Variants in NUCB2 observed in about 807,000 individuals in gnomAD.
NUCB2 encodes nucleobindin 2.
NUCB2 carries 48 observed loss-of-function variants against 57.9 expected under a neutral mutation model. The ratio of observed to expected loss-of-function variants is 0.83; its 90% CI spans 0.66 to 1.05. NUCB2 has a LOEUF of 1.05. NUCB2 is among the 50% of genes least tolerant of loss of function. The pLI is 0.00. For missense variants in NUCB2, 442 were observed against 476.2 expected (o/e 0.93, Z 0.67); for synonymous variants, 139 against 152.1 (o/e 0.91, Z 0.64).
At chr11:17,277,604 C>A (rs1941604945) in intron 1 of NUCB2, among the ~76,000 whole-genome samples, 1 of 152,136 alleles carries the variant, frequency 6.6e-6, no homozygotes. Context: ...TGCTAAACTT[C>A]TAAATTGAAT....
chr11:17,289,645 A>G lies in NUCB2; in HGVS notation c.1-5679A>G, dbSNP rs190802150. Among the ~76,000 whole-genome samples the G allele has an allele frequency of 7.8e-4, 119 of 152,336 alleles. 1 individual carries two copies. In the South Asian group the frequency reaches 0.014, roughly 19 times the overall value. On this transcript the variant is annotated intron_variant, in intron 2 of 13. Transcript: ENST00000529010. Reference sequence around the variant, plus strand: ...CCCATACTTCTTAAAAATGCTTAATATAACATCTTGGGGGAAATCATTTTA... The same window carrying G: ...CCCATACTTCTTAAAAATGCTTAATGTAACATCTTGGGGGAAATCATTTTA...
chr11:17,331,486 C>A lies in NUCB2; in HGVS notation c.*67C>A. On this transcript the variant is annotated 3_prime_UTR_variant, in exon 14 of 14. Coordinates refer to ENST00000529010, the MANE Select transcript of NUCB2 (RefSeq NM_005013.4). The stretch of plus-strand genomic sequence containing the variant: ...AACATCTATTTCATCTTTTTAGCTC[C>A]CTTCCTTTTTCTCTGCTCAATAAAT... 1 of 1,019,248 alleles carries A rather than the reference C, an allele frequency of 9.8e-7. No individual in the cohort carries two copies. The highest frequency in any genetic ancestry group is 2.5e-5 in the South Asian group (1 of 39,430). 63.1% of individuals were successfully genotyped at this position (1,019,248 alleles called of 1,614,324 possible). A position where few individuals can be genotyped will look rare whatever the true frequency, so the allele number is the denominator to read the frequency against.
intron 1 of NUCB2, among the ~76,000 whole-genome samples, chr11:17,282,475 G>C (rs1466784278): frequency 6.6e-6 from 1 of 151,924 alleles, no homozygotes; most frequent in Non-Finnish European, 1.5e-5. Flanking sequence ...TGGGCAGGCT[G>C]ATCTTGAACT....
intron 11 of NUCB2, among the ~76,000 whole-genome samples, chr11:17,317,109 T>C (rs989837125): frequency 2.6e-5 from 4 of 152,186 alleles, no homozygotes; most frequent in Non-Finnish European, 5.9e-5. Context: ...TTATATACTT[T>C]TAAAATTTTG....
chr11:17,326,655 A>T (rs1307039364), intron 11 of NUCB2, among the ~76,000 whole-genome samples: 1 of 152,096 alleles, frequency 6.6e-6, no homozygotes, highest in Non-Finnish European at 1.5e-5. Context: ...CTGCCTTGAA[A>T]AGTTGTAGTT....
intron 11 of NUCB2, among the ~76,000 whole-genome samples, chr11:17,322,626 A>G (rs1249847785): frequency 6.6e-6 from 1 of 152,100 alleles, no homozygotes; most frequent in Non-Finnish European, 1.5e-5. Flanking sequence ...GAAAAATGTC[A>G]TTGGGTATTT....
Position 17,311,911 on chromosome 11 carries a change from A to G in NUCB2, c.800A>G (p.Glu267Gly), listed in dbSNP as rs771430350. 4 of 1,599,074 alleles carry G rather than the reference A, an allele frequency of 2.5e-6. No individual in the cohort carries two copies. The highest frequency in any genetic ancestry group is 3.4e-6 in the Non-Finnish European group (4 of 1,170,594). ...SDGFLDEQEL[E>G]ALFTKELEKV... The stretch of plus-strand genomic sequence containing the variant: ...GGATTCCTGGATGAACAAGAATTAG[A>G]AGCCCTATTTACTAAAGAGGTAAAG... The change falls in exon 9 of 14, where the codon GAA becomes GGA. Residue 267 changes from glutamate to glycine, a missense_variant. By Grantham distance (98) the Glu-to-Gly change is moderately conservative (BLOSUM62 -2). Transcript: ENST00000529010.
intron 2 of NUCB2, among the ~76,000 whole-genome samples, chr11:17,339,508 C>G (rs1385385467): frequency 7.5e-6 from 1 of 132,746 alleles, no homozygotes; most frequent in East Asian, 2.5e-4. Flanking sequence ...CCCCTCCCCC[C>G]ACCCCCACAA....
intron 4 of NUCB2, among the ~76,000 whole-genome samples, chr11:17,296,556 C>T (rs1259311210): frequency 6.6e-6 from 1 of 152,074 alleles, no homozygotes; most frequent in Admixed American, 6.6e-5. Context: ...AAGGCAGACA[C>T]ATAATCTAAT....
chr11:17,302,675 A>C (rs2138651580), intron 5 of NUCB2, among the ~76,000 whole-genome samples: 1 of 151,904 alleles, frequency 6.6e-6, no homozygotes, highest in South Asian at 2.1e-4. Flanking sequence ...GGGCTCAGGT[A>C]GTCCTCCCAC....
chr11:17,287,180 T>C (rs1943893552), intron 2 of NUCB2, among the ~76,000 whole-genome samples: 1 of 151,750 alleles, frequency 6.6e-6, no homozygotes. Context: ...AAAATATATA[T>C]ATATATCACC....
At chr11:17,315,927 T>C (rs761536906) in intron 11 of NUCB2, among the ~76,000 whole-genome samples, 1 of 152,152 alleles carries the variant, frequency 6.6e-6, no homozygotes, top group Non-Finnish European at 1.5e-5. Context: ...TTCACACATA[T>C]ACATATATTC....
rs530378747 is a variant in NUCB2, at chr11:17,281,291, A to AT, written c.-155-1489dup. Among the ~76,000 whole-genome samples, 94 of 149,900 alleles carry AT rather than the reference A, an allele frequency of 6.3e-4. 1 individual carries two copies. Among genetic ancestry groups the AT allele is most frequent in the African/African-American group, 1.8e-3 (74 of 40,818 alleles). ...ACCACTACACCCAGCTAATTTTTTG[A>AT]TTTTTTTTTGTAGAGGTGGGGTTTC... On this transcript the variant is annotated intron_variant, in intron 1 of 13. Transcript: ENST00000529010.
downstream of NUCB2, among the ~76,000 whole-genome samples, chr11:17,336,741 G>A (rs563298523): frequency 6.4e-4 from 68 of 106,608 alleles, no homozygotes; most frequent in South Asian, 3.4e-4. Flanking sequence ...GCGACAGAGC[G>A]AGACTCCGTC....
At chr11:17,283,307 C>G (rs1943069657) in intron 2 of NUCB2, among the ~76,000 whole-genome samples, 1 of 152,172 alleles carries the variant, frequency 6.6e-6, no homozygotes, top group African/African-American at 2.4e-5. Context: ...ATTCCTGAAC[C>G]AAGGCTGAGG....
rs566500650 is a variant in NUCB2, at chr11:17,281,140, A to T, written c.-155-1649A>T. Among the ~76,000 whole-genome samples the T allele has an allele frequency of 1.7e-3, 254 of 151,620 alleles. 2 individuals are homozygous for T. Among genetic ancestry groups the T allele is most frequent in the African/African-American group, 5.6e-3 (232 of 41,280 alleles). On this transcript the variant is annotated intron_variant, in intron 1 of 13. Transcript: ENST00000529010. Reference sequence around the variant, plus strand: ...TAATTTTTATTTATTTATTTTATTTATTTTTTTTAGACAGGGTCTTTCTCT... The same window carrying T: ...TAATTTTTATTTATTTATTTTATTTTTTTTTTTTAGACAGGGTCTTTCTCT...
chr11:17,345,681 T>C (rs1565491760), intron 2 of NUCB2, among the ~76,000 whole-genome samples: 1 of 152,188 alleles, frequency 6.6e-6, no homozygotes. Flanking sequence ...CACTACAGCC[T>C]GGGTGGCAGA....
At chr11:17,329,639 C>T (rs895038634) in intron 11 of NUCB2, among the ~76,000 whole-genome samples, 25 of 152,188 alleles carry the variant, frequency 1.6e-4, no homozygotes, top group African/African-American at 5.5e-4. Flanking sequence ...CTCTGTGCTG[C>T]AGGTCTGCCA....
At chr11:17,297,437 T>A (rs192173250) in intron 4 of NUCB2, among the ~76,000 whole-genome samples, 2 of 152,318 alleles carry the variant, frequency 1.3e-5, no homozygotes, top group African/African-American at 4.8e-5. Flanking sequence ...TGTGAACTTT[T>A]CTGGGGAAAA....
Sources: allele counts gnomAD v4.1 joint callset (sites outside exome capture counted in the v4.1 genomes callset), GRCh38; gene constraint gnomAD v4.1.1; transcripts MANE v1.5; gene names NCBI Gene and HGNC (gene_info 2026-07-23, HGNC 2026-07-21).